The following UBE3A variants were observed in gnomAD, a reference collection of about 807,000 sequenced individuals.
UBE3A encodes the protein ubiquitin-protein ligase E3A.
A neutral mutation model predicts 83.4 loss-of-function variants in UBE3A; 6 were observed. That is an observed-to-expected ratio of 0.07 (90% CI 0.04 to 0.14). UBE3A has a LOEUF of 0.14. UBE3A is among the 10% of genes least tolerant of loss of function. UBE3A has a pLI of 1.00. For missense variants in UBE3A, 456 were observed against 1,036.1 expected, an observed-to-expected ratio of 0.44 and a Z score of 7.69; for synonymous variants, 337 against 355.4, an observed-to-expected ratio of 0.95 and a Z score of 0.58.
At chr15:25,396,572 C>G (rs1047613753) in intron 4 of UBE3A, among the ~76,000 whole-genome samples, 3 of 152,154 alleles carry the variant, frequency 2.0e-5, no homozygotes, top group Non-Finnish European at 4.4e-5. Flanking sequence ...GTAGTGAGCT[C>G]TGATCACACC....
intron 4 of UBE3A, among the ~76,000 whole-genome samples, chr15:25,401,163 A>C (rs953398889): frequency 6.6e-6 from 1 of 152,162 alleles, no homozygotes; most frequent in Non-Finnish European, 1.5e-5. Context: ...GGTAAATCCC[A>C]TATGATCACA....
In UBE3A at chr15:25,337,843, T is replaced by C. The variant is rs2152501740; in HGVS notation, c.*1294A>G. ...TAACAACATCACATACACAGAAGAC[T>C]AGGAAAGGGGAAACTACTTACTTCT... On this transcript the variant is annotated 3_prime_UTR_variant, in exon 13 of 13. Transcript: ENST00000648336. 6.6e-6 allele frequency: 1 copy of C among 152,272 alleles called. No homozygotes were observed. Among genetic ancestry groups the C allele is most frequent in the East Asian group, 1.9e-4 (1 of 5,182 alleles). The allele number at this position is 152,272 out of a possible 1,614,324, so 9.4% of individuals were successfully genotyped here.
intron 5 of UBE3A, among the ~76,000 whole-genome samples, chr15:25,372,842 AC>A (rs1440183608): frequency 6.6e-6 from 1 of 152,112 alleles, no homozygotes; most frequent in African/African-American, 2.4e-5. Flanking sequence ...CGCCAAATAT[AC>A]CCTTATACAT....
intron 4 of UBE3A, among the ~76,000 whole-genome samples, chr15:25,388,497 C>T (rs2083605841): frequency 6.6e-6 from 1 of 152,098 alleles, no homozygotes; most frequent in Non-Finnish European, 1.5e-5. Context: ...AAAAAACATA[C>T]AGCTAACACC....
At chr15:25,423,569 T>C (rs991666060) in intron 1 of UBE3A, among the ~76,000 whole-genome samples, 10 of 152,186 alleles carry the variant, frequency 6.6e-5, no homozygotes, top group South Asian at 2.1e-4. Flanking sequence ...GTTCTAAAGA[T>C]TGAGAGAACA....
At chr15:25,361,070 T>C (rs985538914) in intron 6 of UBE3A, among the ~76,000 whole-genome samples, 1 of 152,028 alleles carries the variant, frequency 6.6e-6, no homozygotes, top group Non-Finnish European at 1.5e-5. Flanking sequence ...AGAACCCATC[T>C]TATATCCACA....
chr15:25,389,412 T>C (rs932011432), intron 4 of UBE3A, among the ~76,000 whole-genome samples: 3 of 152,194 alleles, frequency 2.0e-5, no homozygotes, highest in Non-Finnish European at 2.9e-5. Flanking sequence ...TGATGACTTT[T>C]AGATACGGCA....
At chr15:25,365,740 T>G (rs1595729752) in intron 6 of UBE3A, among the ~76,000 whole-genome samples, 1 of 110,970 alleles carries the variant, frequency 9.0e-6, no homozygotes, top group African/African-American at 3.8e-5. Context: ...AGAGCAAGAC[T>G]CCGTCTAAAA....
chr15:25,403,024 T>C (rs1363428766), intron 4 of UBE3A, among the ~76,000 whole-genome samples: 1 of 152,216 alleles, frequency 6.6e-6, no homozygotes, highest in Non-Finnish European at 1.5e-5. Context: ...TAAATTCAAA[T>C]ACTCCAATGT....
chr15:25,355,784 G>GC, intron 9 of UBE3A, 108 bp downstream of exon 9: 1 of 983,428 alleles, frequency 1.0e-6, no homozygotes, highest in Non-Finnish European at 1.5e-6. Flanking sequence ...TTAGTTACTT[G>GC]TTTTTTTTTT....
chr15:25,390,018 C>G (rs544911273), intron 4 of UBE3A, among the ~76,000 whole-genome samples: 1 of 152,270 alleles, frequency 6.6e-6, no homozygotes, highest in African/African-American at 2.4e-5. Context: ...CAAAGATATA[C>G]AGATGGCAAT....
At chr15:25,387,377 CCA>C (rs975528014) in intron 4 of UBE3A, among the ~76,000 whole-genome samples, 17 of 152,066 alleles carry the variant, frequency 1.1e-4, no homozygotes, top group African/African-American at 4.1e-4. Flanking sequence ...AAAAAATTAG[CCA>C]CACGTGGTGG....
intron 1 of UBE3A, among the ~76,000 whole-genome samples, chr15:25,422,399 TTTCA>T (rs1890093398): frequency 6.6e-6 from 1 of 152,184 alleles, no homozygotes; most frequent in African/African-American, 2.4e-5. Flanking sequence ...AATGGGTGCA[TTTCA>T]TTGTGTATCA....
At chr15:25,412,043 T>G (rs1021573492) in intron 1 of UBE3A, 72 bp from the exon 2 acceptor site, 2 of 152,186 alleles carry the variant, frequency 1.3e-5, no homozygotes, top group Non-Finnish European at 2.9e-5. Context: ...AAAAAGGTAC[T>G]AAATTTCATC....
chr15:25,348,686 G>GA (rs1194370115), intron 11 of UBE3A, among the ~76,000 whole-genome samples: 1 of 152,062 alleles, frequency 6.6e-6, no homozygotes, highest in African/African-American at 2.4e-5. Flanking sequence ...ATAAACAAGT[G>GA]AAAAGCAGTA....
intron 4 of UBE3A, among the ~76,000 whole-genome samples, chr15:25,394,710 C>G (rs1032735491): frequency 2.0e-5 from 3 of 152,136 alleles, no homozygotes; most frequent in Non-Finnish European, 4.4e-5. Flanking sequence ...ATTCTACAGG[C>G]TGTGTACATA....
intron 6 of UBE3A, among the ~76,000 whole-genome samples, chr15:25,364,229 T>C (rs2078645983): frequency 6.6e-6 from 1 of 151,826 alleles, no homozygotes; most frequent in East Asian, 1.9e-4. Flanking sequence ...ATAAATAAAA[T>C]AGTAAAAACA....
intron 1 of UBE3A, chr15:25,418,876 A>G (rs1888298110): frequency 6.6e-6 from 1 of 152,106 alleles, no homozygotes; most frequent in Non-Finnish European, 1.5e-5. Context: ...TCAACTATCT[A>G]CAGAGGACTG....
At chr15:25,407,392 A>G (rs2088873193) in intron 3 of UBE3A, 1 of 519,772 alleles carries the variant, frequency 1.9e-6, no homozygotes, top group African/African-American at 2.1e-5. Context: ...TTACTGCAAA[A>G]AGGTAAGACA....
Sources: allele counts gnomAD v4.1 joint callset (sites outside exome capture counted in the v4.1 genomes callset), GRCh38; gene constraint gnomAD v4.1.1; transcripts MANE v1.5; gene names NCBI Gene and HGNC (gene_info 2026-07-23, HGNC 2026-07-21).